The following PPP1R2 variants were observed in gnomAD, a reference collection of about 807,000 sequenced individuals.
The protein encoded by PPP1R2 is protein phosphatase 1 regulatory inhibitor subunit 2, also known as protein phosphatase inhibitor 2.
PPP1R2 carries 16 observed loss-of-function variants against 29.9 expected under a neutral mutation model. The observed-to-expected ratio is 0.53, with a 90% confidence interval of 0.36 to 0.81. The LOEUF (loss-of-function observed/expected upper bound fraction) is 0.81. Ranked by LOEUF, PPP1R2 falls within the 30% of genes least tolerant of loss-of-function variation. The pLI, the probability that PPP1R2 is intolerant of heterozygous loss-of-function variation, is 0.00. For missense variants in PPP1R2, 197 were observed against 252.7 expected (o/e 0.78, Z 1.49); for synonymous variants, 76 against 91.5 (o/e 0.83, Z 0.96).
chr3:195,520,980 A>G (rs1431169621), intron 4 of PPP1R2, among the ~76,000 whole-genome samples: 2 of 152,072 alleles, frequency 1.3e-5, no homozygotes, highest in Non-Finnish European at 2.9e-5. Flanking sequence ...GTACTTTCTT[A>G]ATTCCCTAAG....
chr3:195,526,719 G>A (rs1718985042), intron 2 of PPP1R2, among the ~76,000 whole-genome samples: 1 of 151,834 alleles, frequency 6.6e-6, no homozygotes, highest in African/African-American at 2.4e-5. Flanking sequence ...GGCTCAGACA[G>A]TCCTCCTGCC....
At chr3:195,527,360 G>A (rs1455193724) in intron 2 of PPP1R2, among the ~76,000 whole-genome samples, 1 of 152,096 alleles carries the variant, frequency 6.6e-6, no homozygotes, top group Non-Finnish European at 1.5e-5. Context: ...TGAGGCACGA[G>A]AATCTCTTGA....
In PPP1R2 at chr3:195,531,063, T is replaced by C. The variant is rs375093525; in HGVS notation, c.123-1162A>G. ...GTCTTGAACTCCTGACCTTACGTGA[T>C]CTGCCTGCCTGGGCCTCCCAAACTG... On this transcript the variant is annotated intron_variant, in intron 1 of 5. Transcript: ENST00000618156. Among the ~76,000 whole-genome samples the C allele has an allele frequency of 4.6e-5, 7 of 152,334 alleles. No homozygotes were observed. The South Asian group carries it at 1.4e-3, about 32-fold the overall frequency.
At chr3:195,531,885 C>A (rs1719192050) in intron 1 of PPP1R2, among the ~76,000 whole-genome samples, 1 of 152,242 alleles carries the variant, frequency 6.6e-6, no homozygotes. Flanking sequence ...CTAGACCTGG[C>A]AACCACCATT....
At chr3:195,518,953 TA>T in intron 5 of PPP1R2, 64 bp downstream of exon 5, 1 of 1,564,518 alleles carries the variant, frequency 6.4e-7, no homozygotes, top group Non-Finnish European at 8.6e-7. Context: ...TAAAGCAAAA[TA>T]AAGTACATTA....
At position 195,530,052 on chromosome 3, in the gene PPP1R2, CAG is replaced by C. The variant is rs1719121841; in HGVS notation, c.123-153_123-152del. On this transcript the variant is annotated intron_variant, in intron 1 of 5. Coordinates refer to ENST00000618156, the MANE Select transcript of PPP1R2 (RefSeq NM_006241.8). ...TACTTTCTTGGAATAGAAGCTGACT[CAG>C]GGTAAAAACCATTAAGTAACTACAA... 7.7e-5 allele frequency: 48 copies of C among 622,618 alleles called. No individual in the cohort carries two copies. The South Asian group carries it at 9.7e-4, about 13-fold the overall frequency. 38.6% of individuals were successfully genotyped at this position (622,618 alleles called of 1,614,324 possible). A position where few individuals can be genotyped will look rare whatever the true frequency, so the allele number is the denominator to read the frequency against.
intron 1 of PPP1R2, among the ~76,000 whole-genome samples, chr3:195,530,650 C>A (rs560771249): frequency 1.3e-5 from 2 of 151,428 alleles, no homozygotes; most frequent in African/African-American, 4.9e-5. Flanking sequence ...CTCAGCCTCC[C>A]GAGTAGCTGG....
intron 5 of PPP1R2, 22 bp from the exon 6 acceptor site, chr3:195,516,964 T>G: frequency 6.2e-7 from 1 of 1,603,650 alleles, no homozygotes; most frequent in Non-Finnish European, 8.5e-7. Context: ...AAAGAAAAAG[T>G]CAACATAATT....
intron 1 of PPP1R2, among the ~76,000 whole-genome samples, chr3:195,541,232 C>G (rs1028881914): frequency 1.3e-5 from 2 of 152,022 alleles, no homozygotes; most frequent in Non-Finnish European, 1.5e-5. Flanking sequence ...ATTGGGCCCA[C>G]GGGAAATTAC....
intron 1 of PPP1R2, among the ~76,000 whole-genome samples, chr3:195,540,206 C>CCAGTGCACCGTTCA (rs2108956099): frequency 6.6e-6 from 1 of 152,254 alleles, no homozygotes; most frequent in Admixed American, 6.5e-5. Context: ...TCTGAGTTGC[C>CCAGTGCACCGTTCA]CAGTGCACCG....
Position 195,516,005 on chromosome 3 carries a change from C to A in PPP1R2, c.*891G>T, listed in dbSNP as rs1718530979. 6.6e-6 allele frequency: 1 copy of A among 151,948 alleles called. No homozygotes were observed. Among genetic ancestry groups the A allele is most frequent in the Admixed American group, 6.6e-5 (1 of 15,240 alleles). 9.4% of individuals were successfully genotyped at this position (151,948 alleles called of 1,614,324 possible). ...TGACAGAAGAGTGAGAGAAAGAGCT[C>A]CTAATGTGGTGACAGTCTTAATGAT... is the stretch of plus-strand genomic sequence containing the variant. On this transcript the variant is annotated 3_prime_UTR_variant, in exon 6 of 6. Coordinates refer to ENST00000618156, the MANE Select transcript of PPP1R2 (RefSeq NM_006241.8).
chr3:195,528,700 C>CAATTTTTTTT (rs1553886222), intron 2 of PPP1R2: 21 of 76,650 alleles, frequency 2.7e-4, no homozygotes, highest in Non-Finnish European at 4.5e-4. Context: ...TAGGGCATAA[C>CAATTTTTTTT]TATTTTTTTT....
At chr3:195,525,971 G>T (rs1353981114) in intron 2 of PPP1R2, among the ~76,000 whole-genome samples, 1 of 152,082 alleles carries the variant, frequency 6.6e-6, no homozygotes, top group Non-Finnish European at 1.5e-5. Flanking sequence ...GAAAATTCTA[G>T]TTGTAAAATT....
intron 2 of PPP1R2, among the ~76,000 whole-genome samples, chr3:195,526,454 C>A (rs1440808949): frequency 6.6e-6 from 1 of 152,058 alleles, no homozygotes. Flanking sequence ...TAAAACTGAG[C>A]AGTGAACTGA....
Position 195,515,041 on chromosome 3 carries a change from C to A in PPP1R2, c.*1855G>T. 3.6e-6 allele frequency: 1 copy of A among 276,332 alleles called. No individual in the cohort carries two copies. The allele number at this position is 276,332 out of a possible 1,614,324, so 17.1% of individuals were successfully genotyped here. Reference sequence around the variant, plus strand: ...AAAAAAAAGAGTATGTGGGTACTTTCTAAGAACTCAGAAACAAGAAAACCA... The same window carrying A: ...AAAAAAAAGAGTATGTGGGTACTTTATAAGAACTCAGAAACAAGAAAACCA... On this transcript the variant is annotated 3_prime_UTR_variant, in exon 6 of 6. Transcript: ENST00000618156.
intron 1 of PPP1R2, among the ~76,000 whole-genome samples, chr3:195,532,724 G>A (rs1719234387): frequency 6.6e-6 from 1 of 151,880 alleles, no homozygotes; most frequent in Admixed American, 6.6e-5. Flanking sequence ...AAATCTACTG[G>A]AAATTTTTTT....
intron 2 of PPP1R2, chr3:195,528,932 T>C (rs1719083785): frequency 1.3e-5 from 2 of 151,992 alleles, no homozygotes; most frequent in African/African-American, 4.9e-5. Flanking sequence ...AATGGTGTGA[T>C]CTTGGCTTAC....
intron 3 of PPP1R2, among the ~76,000 whole-genome samples, chr3:195,524,339 T>C (rs1450510924): frequency 3.3e-5 from 5 of 152,160 alleles, no homozygotes; most frequent in Non-Finnish European, 5.9e-5. Flanking sequence ...CTGGCCAATA[T>C]GGCAAAACAC....
rs1368479062 is a variant in PPP1R2 at position 195,516,236 on chromosome 3, A to G, written c.*660T>C. 1 of 152,610 alleles carries G rather than the reference A, an allele frequency of 6.6e-6. No homozygotes were observed. The highest frequency in any genetic ancestry group is 6.5e-5 in the Admixed American group (1 of 15,282). The allele number at this position is 152,610 out of a possible 1,614,324, so 9.5% of individuals were successfully genotyped here. ...AAAACCCCCCAAAAACAAAAAACAG[A>G]GCAGACATTGGTGAAAGTTTAACCT... On this transcript the variant is annotated 3_prime_UTR_variant, in exon 6 of 6. Coordinates refer to ENST00000618156, the MANE Select transcript of PPP1R2 (RefSeq NM_006241.8).
Sources: gnomAD v4.1 joint callset for allele counts (sites outside exome capture counted in the v4.1 genomes callset) on GRCh38, gnomAD v4.1.1 for gene constraint, MANE v1.5 for transcripts, NCBI Gene and HGNC (gene_info 2026-07-23, HGNC 2026-07-21) for gene names.